OCLN: variants seen among roughly 807,000 people sequenced by gnomAD.
OCLN encodes the protein occludin.
Under a neutral mutation model 47.9 loss-of-function variants are expected in OCLN, and 21 were observed. The ratio of observed to expected loss-of-function variants is 0.44; its 90% CI spans 0.31 to 0.63. The LOEUF (loss-of-function observed/expected upper bound fraction) is 0.63, where lower values mean the gene tolerates loss of function less well. OCLN is among the 30% of genes least tolerant of loss of function. The pLI, the probability that OCLN is intolerant of heterozygous loss-of-function variation, is 0.08. For missense variants in OCLN, 360 were observed against 571.0 expected (o/e 0.63, Z 3.77); for synonymous variants, 117 against 198.4 (o/e 0.59, Z 3.45).
intron 4 of OCLN, among the ~76,000 whole-genome samples, chr5:69,529,748 G>A (rs1054264428): frequency 7.9e-5 from 12 of 152,094 alleles, no homozygotes; most frequent in East Asian, 1.9e-4. Context: ...GATTACGGGC[G>A]TGCGTCACCA....
chr5:69,505,275 T>G (rs957308296), intron 2 of OCLN, among the ~76,000 whole-genome samples: 1 of 152,072 alleles, frequency 6.6e-6, no homozygotes, highest in Non-Finnish European at 1.5e-5. Flanking sequence ...TAAATAAAAA[T>G]AACAGCTTTA....
intron 4 of OCLN, among the ~76,000 whole-genome samples, chr5:69,515,650 C>A (rs1465225851): frequency 3.5e-4 from 53 of 149,704 alleles, no homozygotes; most frequent in African/African-American, 1.3e-3. Flanking sequence ...CCCCCCACCT[C>A]CCTCCCGGAT....
chr5:69,521,050 G>A (rs1050706710), intron 4 of OCLN, among the ~76,000 whole-genome samples: 2 of 151,824 alleles, frequency 1.3e-5, no homozygotes, highest in African/African-American at 2.4e-5. Context: ...GTTTCACCAC[G>A]TTGGTCGAAC....
At chr5:69,510,472 G>A (rs915207118) in intron 3 of OCLN, among the ~76,000 whole-genome samples, 3 of 152,048 alleles carry the variant, frequency 2.0e-5, no homozygotes, top group Non-Finnish European at 4.4e-5. Flanking sequence ...ATGAGGTCAG[G>A]AGATTGTGAC....
At chr5:69,529,670 C>G (rs1769377182) in intron 4 of OCLN, among the ~76,000 whole-genome samples, 1 of 151,958 alleles carries the variant, frequency 6.6e-6, no homozygotes, top group South Asian at 2.1e-4. Context: ...GTGGTGCAAT[C>G]TCGGCACACT....
chr5:69,504,732 C>T (rs760203438), intron 2 of OCLN, among the ~76,000 whole-genome samples: 8 of 150,674 alleles, frequency 5.3e-5, no homozygotes, highest in Non-Finnish European at 8.9e-5. Context: ...GTCAAGAGAT[C>T]GAGACCATCC....
chr5:69,517,314 A>AT lies in OCLN; in HGVS notation c.891+3219dup, dbSNP rs58026583. Among the ~76,000 whole-genome samples, 1,057 of 131,904 alleles carry AT rather than the reference A, an allele frequency of 8.0e-3. 7 individuals carry two copies. Among genetic ancestry groups the AT allele is most frequent in the African/African-American group, 0.026 (825 of 32,120 alleles). 86.5% of individuals were successfully genotyped at this position (131,904 alleles called of 152,430 possible). On this transcript the variant is annotated intron_variant, in intron 4 of 8. Transcript: ENST00000396442. ...GACATTAATATATATATATATATAT[A>AT]TTTTTTTTTTTTTTGAGACGGCTTC...
At chr5:69,511,288 T>G (rs561792195) in intron 3 of OCLN, among the ~76,000 whole-genome samples, 2 of 151,704 alleles carry the variant, frequency 1.3e-5, no homozygotes, top group East Asian at 3.9e-4. Context: ...TTTCACCGTG[T>G]TAGCCACGAT....
chr5:69,523,591 A>G (rs1026916322), intron 4 of OCLN, among the ~76,000 whole-genome samples: 3 of 151,004 alleles, frequency 2.0e-5, no homozygotes, highest in Non-Finnish European at 2.9e-5. Flanking sequence ...GCTAGAGTGC[A>G]GTGGCATGAT....
At chr5:69,496,343 C>A (rs1768289544) in intron 1 of OCLN, among the ~76,000 whole-genome samples, 1 of 152,034 alleles carries the variant, frequency 6.6e-6, no homozygotes, top group Non-Finnish European at 1.5e-5. Context: ...CGTGATCCTC[C>A]CGTCTCGGCC....
chr5:69,500,792 A>G lies in OCLN; in HGVS notation c.-68-3385A>G, dbSNP rs188141614. On this transcript the variant is annotated intron_variant, in intron 1 of 8. Transcript: ENST00000396442. ...AAGGGATCTTGTTTGAATTTTTGAC[A>G]ACTTAAGACTGAGTCTGGATTAATT... 2.4e-3 allele frequency among the ~76,000 whole-genome samples: 373 copies of G among 152,266 alleles called. 6 individuals are homozygous for G. Among genetic ancestry groups the G allele is most frequent in the Non-Finnish European group, 7.5e-4 (51 of 68,024 alleles).
intron 4 of OCLN, among the ~76,000 whole-genome samples, chr5:69,519,734 C>T (rs1769080293): frequency 6.6e-6 from 1 of 151,938 alleles, no homozygotes; most frequent in Non-Finnish European, 1.5e-5. Context: ...CCTTGGTATA[C>T]TCAGGTGGTT....
At chr5:69,517,546 C>A (rs141232920) in intron 4 of OCLN, among the ~76,000 whole-genome samples, 3,600 of 152,128 alleles carry the variant, frequency 0.024, 72 homozygotes, top group Non-Finnish European at 0.039. Flanking sequence ...CTCCTGACCT[C>A]AAGTGATCTG....
At chr5:69,511,522 C>G (rs1046497026) in intron 3 of OCLN, among the ~76,000 whole-genome samples, 1 of 152,042 alleles carries the variant, frequency 6.6e-6, no homozygotes, top group Non-Finnish European at 1.5e-5. Context: ...AGTGACCCTC[C>G]TACCTCAGTC....
rs371270934 is a variant in OCLN, at chr5:69,513,952, T to C, written c.734T>C (p.Ile245Thr). 32 of 1,613,364 alleles carry C rather than the reference T, an allele frequency of 2.0e-5. 1 individual carries two copies. The East Asian group carries it at 4.7e-4, about 24-fold the overall frequency. ...HYCVVDPQEAIAIVLGFMIIV... is the reference protein window; with the variant it reads ...HYCVVDPQEATAIVLGFMIIV... ...ATATTTTCCACTCCTTTTTAGGCCA[T>C]TGCCATTGTACTGGGGTTCATGATT... Residue 245 changes from isoleucine (I) to threonine (T), a missense_variant, in exon 4 of 9, where the codon ATT (isoleucine) becomes ACT (threonine). Physicochemically the swap from Ile to Thr is moderately conservative, Grantham distance 89. Around this residue, in one of 3 missense-constraint regions of OCLN, gnomAD observed 314 missense variants for 368.1 expected, o/e 0.85. Transcript: ENST00000396442.
At position 69,509,720 on chromosome 5, in the gene OCLN, A is replaced by G; in HGVS notation, c.630A>G (p.Ser210=). The change falls in exon 3 of 9, where the codon TCA becomes TCG. Residue 210 remains serine, a synonymous_variant. Transcript: ENST00000396442. ...AGTCTTCTGGATCTCTATATGGTTC[A>G]CAAATATATGCCCTCTGCAACCAAT... ...TAQSSGSLYG[S]QIYALCNQFY... 1 of 1,614,170 alleles carries G rather than the reference A, an allele frequency of 6.2e-7. No individual in the cohort carries two copies. Among genetic ancestry groups the G allele is most frequent in the Non-Finnish European group, 8.5e-7 (1 of 1,180,002 alleles).
intron 2 of OCLN, among the ~76,000 whole-genome samples, chr5:69,505,379 A>G (rs1768572456): frequency 1.3e-5 from 2 of 152,208 alleles, no homozygotes; most frequent in African/African-American, 4.8e-5. Flanking sequence ...AACCATCACC[A>G]CAATTAATTT....
At position 69,509,544 on chromosome 5, in the gene OCLN, G is replaced by A. The variant is rs779726887; in HGVS notation, c.454G>A (p.Ala152Thr). ...CATGGCTGCCTTTTGTTTCATTGCC[G>A]CGTTGGTGATCTTTGTTACCAGTGT... ...LAMAAFCFIA[A>T]LVIFVTSVIR... Residue 152 changes from alanine to threonine, a missense_variant, in exon 3 of 9, where the codon GCG becomes ACG. By Grantham distance (58) the Ala-to-Thr change is moderately conservative. Around this residue, in one of 3 missense-constraint regions of OCLN, gnomAD observed 314 missense variants for 368.1 expected, o/e 0.85. Coordinates refer to ENST00000396442, the MANE Select transcript of OCLN (RefSeq NM_001205254.2). 43 of 1,614,014 alleles carry A rather than the reference G, an allele frequency of 2.7e-5. No individual in the cohort carries two copies. The highest frequency in any genetic ancestry group is 8.0e-5 in the African/African-American group (6 of 74,918).
chr5:69,522,986 C>G (rs887284505), intron 4 of OCLN, among the ~76,000 whole-genome samples: 2 of 151,328 alleles, frequency 1.3e-5, no homozygotes, highest in African/African-American at 4.9e-5. Flanking sequence ...CCTTGGCCTC[C>G]CAAACTGCTG....
Sources: gnomAD v4.1 joint callset for allele counts (sites outside exome capture counted in the v4.1 genomes callset) on GRCh38, gnomAD v4.1.1 for gene constraint, gnomAD v4.1.1 regional missense constraint, MANE v1.5 for transcripts, NCBI Gene and HGNC (gene_info 2026-07-23, HGNC 2026-07-21) for gene names.